The following RCOR1 variants were observed in gnomAD, a reference collection of about 807,000 sequenced individuals.
The protein encoded by RCOR1 is REST corepressor.
RCOR1 carries 12 observed loss-of-function variants against 64.0 expected under a neutral mutation model. That is an observed-to-expected ratio of 0.19 (90% CI 0.12 to 0.30). RCOR1 has a LOEUF of 0.30. Ranked by LOEUF, RCOR1 falls within the 10% of genes least tolerant of loss-of-function variation. The pLI is 1.00. For missense variants in RCOR1, 502 were observed against 621.2 expected (o/e 0.81, Z 2.04); for synonymous variants, 279 against 227.2 (o/e 1.23, Z -2.05).
At chr14:102,674,353 A>G (rs1164115899) in intron 2 of RCOR1, among the ~76,000 whole-genome samples, 2 of 152,216 alleles carry the variant, frequency 1.3e-5, no homozygotes, top group Non-Finnish European at 2.9e-5. Flanking sequence ...ACAGAAAACT[A>G]AGCAACACAC....
In RCOR1 at chr14:102,726,579, C is replaced by G; in HGVS notation, c.*73C>G. ...GATATCAGGTATTATGAGACATCACCTAGCCATCTGCATCACATCTCTCTG... is the reference window on the plus strand; with the variant it reads ...GATATCAGGTATTATGAGACATCACGTAGCCATCTGCATCACATCTCTCTG... On this transcript the variant is annotated 3_prime_UTR_variant, in exon 12 of 12. Transcript: ENST00000262241. 1 of 1,253,584 alleles carries G rather than the reference C, an allele frequency of 8.0e-7. No homozygotes were observed. Among genetic ancestry groups the G allele is most frequent in the Non-Finnish European group, 1.1e-6 (1 of 876,682 alleles). 77.7% of individuals were successfully genotyped at this position (1,253,584 alleles called of 1,614,324 possible).
In RCOR1 at chr14:102,656,351, C is replaced by G. The variant is rs568573831; in HGVS notation, c.362-25544C>G. 1.1e-4 allele frequency among the ~76,000 whole-genome samples: 17 copies of G among 152,200 alleles called. No individual in the cohort carries two copies. The East Asian group carries it at 3.3e-3, about 29-fold the overall frequency. On this transcript the variant is annotated intron_variant, in intron 2 of 11. Coordinates refer to ENST00000262241, the MANE Select transcript of RCOR1 (RefSeq NM_015156.4). The stretch of plus-strand genomic sequence containing the variant: ...GTAGGGTTTCACCATGTAGGCCAGG[C>G]TGGTCTCAAACTCCTGACCTCAAGC...
intron 2 of RCOR1, among the ~76,000 whole-genome samples, chr14:102,642,103 G>C (rs1894381849): frequency 1.3e-5 from 2 of 152,182 alleles, no homozygotes; most frequent in African/African-American, 4.8e-5. Flanking sequence ...ACTCCATTCT[G>C]TTGTGGCGTG....
rs973414550 is a variant in RCOR1 at position 102,728,583 on chromosome 14, A to G, written c.*2077A>G. 7.9e-5 allele frequency: 12 copies of G among 152,166 alleles called. No individual in the cohort carries two copies. Among genetic ancestry groups the G allele is most frequent in the African/African-American group, 2.9e-4 (12 of 41,436 alleles). The allele number at this position is 152,166 out of a possible 1,614,324, so 9.4% of individuals were successfully genotyped here. On this transcript the variant is annotated 3_prime_UTR_variant, in exon 12 of 12. Coordinates refer to ENST00000262241, the MANE Select transcript of RCOR1 (RefSeq NM_015156.4). ...TCACCCTGCCAATAGGTCTGTCTGTATCTCTGTTAAGGAAAATAGCCTGGT... is the reference window on the plus strand; with the variant it reads ...TCACCCTGCCAATAGGTCTGTCTGTGTCTCTGTTAAGGAAAATAGCCTGGT...
chr14:102,655,246 CT>C, intron 2 of RCOR1: 1 of 983,902 alleles, frequency 1.0e-6, no homozygotes, highest in Non-Finnish European at 1.2e-6. Flanking sequence ...CATTCCTGGC[CT>C]TCCATTTTCC....
At chr14:102,593,408 C>T in intron 2 of RCOR1, 83 bp downstream of exon 2, 1 of 1,378,630 alleles carries the variant, frequency 7.3e-7, no homozygotes, top group East Asian at 3.0e-5. Context: ...CGGGAGCCCG[C>T]CGACAACTTT....
chr14:102,618,896 T>C (rs964771979), intron 2 of RCOR1, among the ~76,000 whole-genome samples: 1 of 151,960 alleles, frequency 6.6e-6, no homozygotes, highest in Admixed American at 6.6e-5. Context: ...GAAGGGCAAG[T>C]GAAGGAAAGA....
At chr14:102,643,437 A>G (rs920108087) in intron 2 of RCOR1, 3 of 421,652 alleles carry the variant, frequency 7.1e-6, no homozygotes, top group Non-Finnish European at 9.5e-6. Context: ...CTAATGTTTT[A>G]GAAACTGAAA....
intron 2 of RCOR1, among the ~76,000 whole-genome samples, chr14:102,601,890 AATAC>A (rs760293252): frequency 2.6e-4 from 39 of 152,108 alleles, no homozygotes; most frequent in Non-Finnish European, 4.0e-4. Flanking sequence ...TTTGTACTTA[AATAC>A]ATGTGTGTAA....
intron 2 of RCOR1, among the ~76,000 whole-genome samples, chr14:102,602,390 TTTTC>T (rs1291461629): frequency 9.2e-5 from 10 of 108,788 alleles, no homozygotes; most frequent in Non-Finnish European, 1.5e-4. Context: ...TTTTCTTTTC[TTTTC>T]TTTTTTTTTT....
At chr14:102,638,192 C>T (rs2139917998) in intron 2 of RCOR1, among the ~76,000 whole-genome samples, 1 of 152,284 alleles carries the variant, frequency 6.6e-6, no homozygotes, top group East Asian at 1.9e-4. Context: ...ACATTATCAA[C>T]TCAGGTGCAG....
At chr14:102,619,267 G>A (rs1436160111) in intron 2 of RCOR1, among the ~76,000 whole-genome samples, 4 of 152,048 alleles carry the variant, frequency 2.6e-5, no homozygotes, top group East Asian at 1.9e-4. Context: ...GATTGCAGGC[G>A]TGCACTACAC....
intron 3 of RCOR1, among the ~76,000 whole-genome samples, chr14:102,688,735 C>A (rs1167644313): frequency 6.6e-6 from 1 of 152,124 alleles, no homozygotes; most frequent in African/African-American, 2.4e-5. Flanking sequence ...GTGCACTGTT[C>A]CATCATTTAC....
intron 2 of RCOR1, among the ~76,000 whole-genome samples, chr14:102,633,758 C>T (rs1162111522): frequency 4.0e-5 from 6 of 151,726 alleles, no homozygotes; most frequent in Middle Eastern, 3.4e-3. Flanking sequence ...AGGCTGGTCT[C>T]GAACTCCTGA....
chr14:102,610,578 T>C (rs1326337821), intron 2 of RCOR1, among the ~76,000 whole-genome samples: 2 of 152,132 alleles, frequency 1.3e-5, no homozygotes, highest in African/African-American at 4.8e-5. Context: ...TTTTTGTGTG[T>C]GTGTGACAGA....
intron 2 of RCOR1, among the ~76,000 whole-genome samples, chr14:102,631,846 G>A (rs1375885096): frequency 6.6e-6 from 1 of 151,962 alleles, no homozygotes; most frequent in Admixed American, 6.6e-5. Context: ...TGTCGACCAG[G>A]TTGGAGTGCG....
intron 8 of RCOR1, among the ~76,000 whole-genome samples, chr14:102,720,066 G>GA (rs1183657493): frequency 1.3e-5 from 2 of 152,056 alleles, no homozygotes; most frequent in Non-Finnish European, 2.9e-5. Context: ...AATTACAAGT[G>GA]AAAAAAATTT....
chr14:102,669,230 A>T (rs1012148949), intron 2 of RCOR1, among the ~76,000 whole-genome samples: 1 of 151,024 alleles, frequency 6.6e-6, no homozygotes, highest in South Asian at 2.1e-4. Context: ...AATCGCTTGA[A>T]CCCAGGAGGC....
intron 8 of RCOR1, among the ~76,000 whole-genome samples, chr14:102,715,892 C>T (rs1353541052): frequency 1.3e-5 from 2 of 152,166 alleles, no homozygotes; most frequent in South Asian, 2.1e-4. Context: ...ATGGGCCGTT[C>T]TGTGCACTGT....
Sources: allele counts gnomAD v4.1 joint callset (sites outside exome capture counted in the v4.1 genomes callset), GRCh38; gene constraint gnomAD v4.1.1; transcripts MANE v1.5; gene names NCBI Gene and HGNC (gene_info 2026-07-23, HGNC 2026-07-21).